MYO1G: variants seen among roughly 807,000 people sequenced by gnomAD.
MYO1G encodes the protein myosin IG.
Under a neutral mutation model 115.3 loss-of-function variants are expected in MYO1G, and 65 were observed. That is an observed-to-expected ratio of 0.56 (90% CI 0.46 to 0.69). The LOEUF is 0.69. Ranked by LOEUF, MYO1G falls within the 30% of genes least tolerant of loss-of-function variation. The pLI, the probability that MYO1G is intolerant of heterozygous loss-of-function variation, is 0.00. For synonymous variants in MYO1G, 510 were observed against 552.6 expected, an observed-to-expected ratio of 0.92 and a Z score of 1.08; for missense variants, 1,204 against 1,393.5, an observed-to-expected ratio of 0.86 and a Z score of 2.16.
intron 17 of MYO1G, 78 bp downstream of exon 17, chr7:44,965,559 C>T: frequency 7.1e-7 from 1 of 1,405,604 alleles, no homozygotes; most frequent in East Asian, 2.3e-5. Context: ...CATCCAGGCA[C>T]TGCAGGCCCG....
At position 44,966,496 on chromosome 7, in the gene MYO1G, T is replaced by C; in HGVS notation, c.1949+176A>G. ...ATGTTCCCACCTGTATGTCCCCACATGCATGTGCTCACACACATGTCTTCC... is the reference window on the plus strand; with the variant it reads ...ATGTTCCCACCTGTATGTCCCCACACGCATGTGCTCACACACATGTCTTCC... On this transcript the variant is annotated intron_variant, in intron 15 of 21. Transcript: ENST00000258787. This position sits in a 1 kb window ranked among gnomAD's most constrained non-coding sequence, Gnocchi z 5.0. 1 of 863,276 alleles carries C rather than the reference T, an allele frequency of 1.2e-6. No homozygotes were observed. The highest frequency in any genetic ancestry group is 1.9e-6 in the Non-Finnish European group (1 of 530,240). The allele number at this position is 863,276 out of a possible 1,614,324, so 53.5% of individuals were successfully genotyped here.
intron 17 of MYO1G, 68 bp downstream of exon 17, chr7:44,965,569 G>C: frequency 6.8e-7 from 1 of 1,463,408 alleles, no homozygotes; most frequent in Non-Finnish European, 9.5e-7. Flanking sequence ...CTGCAGGCCC[G>C]GGATGATGGG....
Position 44,970,133 on chromosome 7 carries a change from G to C in MYO1G, c.1239C>G (p.Asn413Lys). 1.9e-6 allele frequency: 3 copies of C among 1,613,756 alleles called. No individual in the cohort carries two copies. The highest frequency in any genetic ancestry group is 2.5e-6 in the Non-Finnish European group (3 of 1,179,794). The change falls in exon 10 of 22, where the codon AAC becomes AAG. Residue 413 changes from asparagine (N) to lysine (K), a missense_variant. Asn to Lys is a moderately conservative substitution (Grantham distance 94). Transcript: ENST00000258787. The part of the protein sequence containing the change: ...PVNSFEQFCI[N>K]YCNEKLQQLF... ...GCTGCTGCAGCTTCTCGTTGCAGTAGTTGATGCAGAACTGCTCGAAACTGG... is the reference window on the plus strand; with the variant it reads ...GCTGCTGCAGCTTCTCGTTGCAGTACTTGATGCAGAACTGCTCGAAACTGG...
In MYO1G at chr7:44,972,145, C is replaced by T. The variant is rs1371823383; in HGVS notation, c.699G>A (p.Gln233=). ...RNPAVYNFTH[Q]GAGLNMTVHS... Reference sequence around the variant, plus strand: ...GCACAGTCATGTTGAGTCCTGCTCCCTGGTGTGTGAAATTGTATACAGCAG... The same window carrying T: ...GCACAGTCATGTTGAGTCCTGCTCCTTGGTGTGTGAAATTGTATACAGCAG... Residue 233 remains glutamine (Q), a synonymous_variant, in exon 6 of 22, where the codon CAG becomes CAA. Transcript: ENST00000258787. 1.2e-6 allele frequency: 2 copies of T among 1,614,146 alleles called. No individual in the cohort carries two copies. Among genetic ancestry groups the T allele is most frequent in the South Asian group, 1.1e-5 (1 of 91,088 alleles).
At chr7:44,976,257 C>G (rs2128703047) in intron 3 of MYO1G, among the ~76,000 whole-genome samples, 2 of 152,352 alleles carry the variant, frequency 1.3e-5, no homozygotes, top group South Asian at 4.1e-4. Flanking sequence ...TGTCCATGAG[C>G]CATTTCAAGC....
At chr7:44,972,412 C>T (rs1426417591) in intron 5 of MYO1G, 187 bp from the exon 6 acceptor site, 2 of 572,992 alleles carry the variant, frequency 3.5e-6, no homozygotes, top group Non-Finnish European at 6.3e-6. Flanking sequence ...TTCAGTGGGT[C>T]AGGGAGCTCC....
chr7:44,977,501 C>G (rs1464791056), intron 1 of MYO1G, among the ~76,000 whole-genome samples: 1 of 152,162 alleles, frequency 6.6e-6, no homozygotes, highest in Non-Finnish European at 1.5e-5. Context: ...TCGGCTGTTT[C>G]CTGTCTCAAG....
At chr7:44,970,481 C>A in intron 9 of MYO1G, 111 bp downstream of exon 9, 1 of 1,439,014 alleles carries the variant, frequency 6.9e-7, no homozygotes, top group Admixed American at 2.0e-5. Context: ...CAGGGACCAG[C>A]CGGGAGAAAC....
chr7:44,978,144 G>A (rs61087358), intron 1 of MYO1G, among the ~76,000 whole-genome samples: 27,641 of 152,042 alleles, frequency 0.18, 2,833 homozygotes, highest in Non-Finnish European at 0.2. Flanking sequence ...GGGAGCTTCC[G>A]GAGTACACAG....
At chr7:44,978,385 G>C (rs115823010) in intron 1 of MYO1G, among the ~76,000 whole-genome samples, 190 of 152,322 alleles carry the variant, frequency 1.2e-3, no homozygotes, top group African/African-American at 4.2e-3. Flanking sequence ...CCCTAGGGTG[G>C]AGCCTGACTG....
chr7:44,965,187 T>C (rs1234278694), intron 17 of MYO1G, 98 bp from the exon 18 acceptor site: 1 of 1,496,502 alleles, frequency 6.7e-7, no homozygotes, highest in Non-Finnish European at 9.0e-7. Flanking sequence ...AGCCTGGTGC[T>C]GCCTGCCTTT....
Position 44,970,632 on chromosome 7 carries a change from C to A in MYO1G, c.1177G>T (p.Val393Leu). The stretch of plus-strand genomic sequence containing the variant: ...ACCTCGAAGCCATAGATGTCCAGCA[C>A]GCCAATGACTGTGTCCTTGCCATCA... ...RRDGKDTVIGVLDIYGFEVFP... is the reference protein window; with the variant it reads ...RRDGKDTVIGLLDIYGFEVFP... The change falls in exon 9 of 22, where the codon GTG becomes TTG. Residue 393 changes from valine (V) to leucine (L), a missense_variant. Val to Leu is a conservative substitution (Grantham distance 32, BLOSUM62 1). Transcript: ENST00000258787. 1 of 1,613,802 alleles carries A rather than the reference C, an allele frequency of 6.2e-7. No individual in the cohort carries two copies. The highest frequency in any genetic ancestry group is 8.5e-7 in the Non-Finnish European group (1 of 1,180,028).
Position 44,964,237 on chromosome 7 carries a change from A to T in MYO1G, c.2632-75T>A. ...AGGGCCCCAGGCTTCGGCAGTCCCT[A>T]CTGCCTCCCCTCCCCGCTGGCGACA... On this transcript the variant is annotated intron_variant, in intron 19 of 21. Coordinates refer to ENST00000258787, the MANE Select transcript of MYO1G (RefSeq NM_033054.3). This position sits in a 1 kb window ranked among gnomAD's most constrained non-coding sequence, Gnocchi z 5.1. The T allele has an allele frequency of 7.2e-7, 1 of 1,391,748 alleles. No individual in the cohort carries two copies. The highest frequency in any genetic ancestry group is 1.0e-6 in the Non-Finnish European group (1 of 1,000,110). 86.2% of individuals were successfully genotyped at this position (1,391,748 alleles called of 1,614,324 possible). A position where few individuals can be genotyped will look rare whatever the true frequency, so the allele number is the denominator to read the frequency against.
intron 5 of MYO1G, 178 bp downstream of exon 5, chr7:44,974,996 G>C: frequency 2.9e-6 from 2 of 697,776 alleles, no homozygotes; most frequent in South Asian, 3.2e-5. Flanking sequence ...CTTGTTTGTG[G>C]GGTGTGGGGT....
intron 6 of MYO1G, 67 bp from the exon 7 acceptor site, chr7:44,971,856 T>G: frequency 8.1e-7 from 1 of 1,232,154 alleles, no homozygotes; most frequent in Non-Finnish European, 1.2e-6. Flanking sequence ...CCCTTGAGGC[T>G]TGATTCCTCC....
intron 17 of MYO1G, among the ~76,000 whole-genome samples, chr7:44,965,382 T>G (rs1331569837): frequency 3.9e-5 from 6 of 152,188 alleles, no homozygotes; most frequent in Admixed American, 3.9e-4. Flanking sequence ...ATCCCCTTAC[T>G]TCCCAGCCCT....
At chr7:44,974,450 G>A (rs1795012228) in intron 5 of MYO1G, 1 of 152,608 alleles carries the variant, frequency 6.6e-6, no homozygotes, top group Non-Finnish European at 1.5e-5. Flanking sequence ...ACTGCACTGG[G>A]GAGCTGAGAG....
rs544216785 is a variant in MYO1G, at chr7:44,963,231, G to A, written c.2746-107C>T. On this transcript the variant is annotated intron_variant, in intron 20 of 21. Coordinates refer to ENST00000258787, the MANE Select transcript of MYO1G (RefSeq NM_033054.3). This position sits in a 1 kb window ranked among gnomAD's most constrained non-coding sequence, Gnocchi z 4.1. ...TCTGCCGAACCCCCAACCGCACCCG[G>A]GGAGCGCCGCCCTCGCCAGGGCCAC... The A allele has an allele frequency of 2.6e-4, 350 of 1,327,070 alleles. 1 individual carries two copies. The Middle Eastern group carries it at 2.7e-3, about 10-fold the overall frequency. The allele number at this position is 1,327,070 out of a possible 1,614,324, so 82.2% of individuals were successfully genotyped here.
chr7:44,969,576 G>T lies in MYO1G; in HGVS notation c.1504-93C>A. ...CCTCCCCACCTCCAGGGCAGAGAAG[G>T]TTGCCACAGTGACGACAATGGCACC... On this transcript the variant is annotated intron_variant, in intron 11 of 21. Transcript: ENST00000258787. The surrounding 1 kb of genome is among the most constrained non-coding windows in gnomAD (Gnocchi z 5.0). The T allele has an allele frequency of 1.9e-6, 3 of 1,578,878 alleles. No individual in the cohort carries two copies. Among genetic ancestry groups the T allele is most frequent in the African/African-American group, 2.7e-5 (2 of 74,310 alleles).
Sources: allele counts gnomAD v4.1 joint callset (sites outside exome capture counted in the v4.1 genomes callset), GRCh38; gene constraint gnomAD v4.1.1; non-coding constraint Gnocchi (gnomAD v3.1); transcripts MANE v1.5; gene names NCBI Gene and HGNC (gene_info 2026-07-23, HGNC 2026-07-21).